The following MIA2 variants were observed in gnomAD, a reference collection of about 807,000 sequenced individuals.
MIA2 encodes the protein MIA SH3 domain ER export factor 2, also known as melanoma inhibitory activity protein 2.
MIA2 carries 127 observed loss-of-function variants against 167.8 expected under a neutral mutation model. The observed-to-expected ratio is 0.76, with a 90% confidence interval of 0.66 to 0.88. The LOEUF (loss-of-function observed/expected upper bound fraction) is 0.88, where lower values mean the gene tolerates loss of function less well. Ranked by LOEUF, MIA2 falls within the 40% of genes least tolerant of loss-of-function variation. The pLI is 0.00. For missense variants in MIA2, 1,690 were observed against 1,624.7 expected (o/e 1.04, Z -0.69); for synonymous variants, 552 against 541.9 (o/e 1.02, Z -0.26).
intron 6 of MIA2, among the ~76,000 whole-genome samples, chr14:39,256,662 A>G (rs1282405089): frequency 6.6e-6 from 1 of 152,204 alleles, no homozygotes; most frequent in Non-Finnish European, 1.5e-5. Context: ...AAGATTCCAA[A>G]AATGTGAAGA....
At chr14:39,280,256 T>C (rs539103075) in intron 9 of MIA2, among the ~76,000 whole-genome samples, 16 of 152,320 alleles carry the variant, frequency 1.1e-4, no homozygotes, top group Middle Eastern at 3.4e-3. Context: ...GCCTGTAGTT[T>C]TATAACAAGC....
chr14:39,302,433 T>C (rs1474743790), intron 15 of MIA2, among the ~76,000 whole-genome samples, 184 bp downstream of exon 15: 1 of 152,242 alleles, frequency 6.6e-6, no homozygotes, highest in African/African-American at 2.4e-5. Context: ...CACTGCCTTT[T>C]CAGTAAGTCT....
chr14:39,318,991 C>T (rs1367323973), intron 22 of MIA2, among the ~76,000 whole-genome samples: 1 of 152,118 alleles, frequency 6.6e-6, no homozygotes. Context: ...TGTAAGGCTC[C>T]ACATAACATC....
intron 23 of MIA2, among the ~76,000 whole-genome samples, chr14:39,382,680 C>T (rs142703585): frequency 6.6e-5 from 10 of 152,296 alleles, no homozygotes; most frequent in Non-Finnish European, 8.8e-5. Context: ...GATATTTGAC[C>T]TTTATCTGTA....
intron 18 of MIA2, among the ~76,000 whole-genome samples, chr14:39,311,224 A>G (rs2064179959): frequency 6.6e-6 from 1 of 152,136 alleles, no homozygotes; most frequent in Admixed American, 6.5e-5. Flanking sequence ...TCCTTCTTAT[A>G]TTTAACTAGC....
chr14:39,334,464 ACT>A (rs1165567872), intron 25 of MIA2, among the ~76,000 whole-genome samples: 5 of 148,866 alleles, frequency 3.4e-5, no homozygotes, highest in Non-Finnish European at 5.9e-5. Context: ...ACAGAGAGAG[ACT>A]CTCTCAAAAA....
chr14:39,340,603 T>C (rs1001266424), intron 25 of MIA2, among the ~76,000 whole-genome samples: 3 of 152,224 alleles, frequency 2.0e-5, no homozygotes, highest in African/African-American at 7.2e-5. Context: ...TAGTTTGTCT[T>C]AAGGCTCATT....
chr14:39,285,585 T>C (rs2059584703), intron 9 of MIA2, among the ~76,000 whole-genome samples: 2 of 117,542 alleles, frequency 1.7e-5, no homozygotes, highest in African/African-American at 3.4e-5. Context: ...CCGACCTCCC[T>C]CCCGGACGGG....
intron 17 of MIA2, 75 bp from the exon 18 acceptor site, chr14:39,308,374 T>G: frequency 1.1e-6 from 1 of 928,754 alleles, no homozygotes; most frequent in Non-Finnish European, 1.5e-6. Context: ...TTTTTAGTAA[T>G]TTTTATCTTT....
At chr14:39,267,603 G>GGGTCTAAGCCGCCGT (rs1435859681) in intron 6 of MIA2, 53 of 1,526,580 alleles carry the variant, frequency 3.5e-5, no homozygotes, top group Non-Finnish European at 4.0e-5. Flanking sequence ...ACCGGCTTTG[G>GGGTCTAAGCCGCCGT]GGTCTAAGCC....
intron 9 of MIA2, among the ~76,000 whole-genome samples, chr14:39,289,684 T>C (rs1168395358): frequency 6.6e-6 from 1 of 152,230 alleles, no homozygotes; most frequent in East Asian, 1.9e-4. Context: ...GATCTCACTA[T>C]GTTGCCCAGG....
chr14:39,358,962 A>G (rs1192231354), intron 23 of MIA2, among the ~76,000 whole-genome samples: 2 of 152,098 alleles, frequency 1.3e-5, no homozygotes, highest in African/African-American at 4.8e-5. Flanking sequence ...GTCTGCCCCT[A>G]CTGGGGGATG....
At chr14:39,265,744 C>T (rs899019676) in intron 6 of MIA2, 1 of 241,662 alleles carries the variant, frequency 4.1e-6, no homozygotes, top group African/African-American at 2.3e-5. Context: ...ATACAATGTT[C>T]TAATTGAGGC....
At chr14:39,354,130 G>A (rs932622636), downstream of MIA2, among the ~76,000 whole-genome samples, 9 of 152,168 alleles carry the variant, frequency 5.9e-5, no homozygotes, top group Non-Finnish European at 1.2e-4. Context: ...GATCCCTGAG[G>A]AATCACCACA....
chr14:39,385,269 C>T (rs2075252525), intron 23 of MIA2: 4 of 610,088 alleles, frequency 6.6e-6, no homozygotes, highest in Non-Finnish European at 1.2e-5. Context: ...TAGGTTGTTT[C>T]CTATGCAGTA....
At chr14:39,282,498 T>C (rs1259950117) in intron 9 of MIA2, among the ~76,000 whole-genome samples, 1 of 152,140 alleles carries the variant, frequency 6.6e-6, no homozygotes, top group Non-Finnish European at 1.5e-5. Flanking sequence ...ATAACAAAAA[T>C]CATGAATGCA....
intron 23 of MIA2, among the ~76,000 whole-genome samples, chr14:39,358,162 C>G (rs1205122548): frequency 2.0e-5 from 3 of 152,166 alleles, no homozygotes; most frequent in Admixed American, 6.5e-5. Context: ...CAACTTGGTT[C>G]CATTCTCCCC....
chr14:39,383,660 A>G (rs1457134992), intron 23 of MIA2, among the ~76,000 whole-genome samples: 3 of 152,244 alleles, frequency 2.0e-5, no homozygotes, highest in African/African-American at 7.2e-5. Flanking sequence ...GCAAAGGAGA[A>G]GTTCTTGAAG....
chr14:39,349,863 G>C (rs2074154361), intron 28 of MIA2, among the ~76,000 whole-genome samples: 1 of 151,996 alleles, frequency 6.6e-6, no homozygotes, highest in African/African-American at 2.4e-5. Context: ...TTAAAAAACA[G>C]GTGTTAAGAT....
Sources: allele counts gnomAD v4.1 joint callset (sites outside exome capture counted in the v4.1 genomes callset), GRCh38; gene constraint gnomAD v4.1.1; transcripts MANE v1.5; gene names NCBI Gene and HGNC (gene_info 2026-07-23, HGNC 2026-07-21).